LEKR1: variants seen among roughly 807,000 people sequenced by gnomAD.
The protein encoded by LEKR1 is leucine, glutamate and lysine rich 1.
Under a neutral mutation model 72.4 loss-of-function variants are expected in LEKR1, and 59 were observed. The ratio of observed to expected loss-of-function variants is 0.82; its 90% CI spans 0.66 to 1.01. The LOEUF is 1.01. Among genes scored for constraint, LEKR1 ranks in the 50% least tolerant of loss-of-function variants. The pLI is 0.00. For missense variants in LEKR1, 728 were observed against 759.2 expected, an observed-to-expected ratio of 0.96 and a Z score of 0.48; for synonymous variants, 257 against 263.2, an observed-to-expected ratio of 0.98 and a Z score of 0.23.
At chr3:156,845,705 A>G (rs989245953) in intron 2 of LEKR1, among the ~76,000 whole-genome samples, 3 of 152,074 alleles carry the variant, frequency 2.0e-5, no homozygotes, top group Non-Finnish European at 4.4e-5. Context: ...CCTTCTGCCA[A>G]TATCATACAA....
At chr3:156,913,541 C>T (rs1199605351) in intron 3 of LEKR1, among the ~76,000 whole-genome samples, 2 of 152,000 alleles carry the variant, frequency 1.3e-5, no homozygotes, top group African/African-American at 2.4e-5. Context: ...ATTAACTTTC[C>T]CTGAAAGAAT....
At chr3:156,930,864 A>G (rs1725165708) in intron 5 of LEKR1, among the ~76,000 whole-genome samples, 1 of 152,172 alleles carries the variant, frequency 6.6e-6, no homozygotes, top group African/African-American at 2.4e-5. Flanking sequence ...ACCCATGTAG[A>G]AAAATATACC....
intron 3 of LEKR1, among the ~76,000 whole-genome samples, chr3:156,876,011 A>AG (rs1220820653): frequency 3.4e-4 from 52 of 151,160 alleles, no homozygotes; most frequent in African/African-American, 1.2e-3. Context: ...AAAAAAAAAA[A>AG]AAAAAGAAAT....
intron 3 of LEKR1, among the ~76,000 whole-genome samples, chr3:156,870,252 T>C (rs981775869): frequency 3.6e-4 from 55 of 152,216 alleles, no homozygotes; most frequent in African/African-American, 1.3e-3. Flanking sequence ...ACATTGATAT[T>C]TGAAAGGGAC....
intron 10 of LEKR1, among the ~76,000 whole-genome samples, chr3:157,012,351 C>T (rs538511862): frequency 2.6e-4 from 39 of 152,138 alleles, no homozygotes; most frequent in African/African-American, 9.2e-4. Context: ...TGGAGCTGGT[C>T]GCCAAAATTC....
intron 9 of LEKR1, among the ~76,000 whole-genome samples, chr3:156,999,007 T>C (rs1731806540): frequency 6.6e-6 from 1 of 152,130 alleles, no homozygotes. Context: ...ATTCTCGTGA[T>C]AGTGAGTGAG....
At chr3:156,914,228 T>G (rs62275797) in intron 3 of LEKR1, among the ~76,000 whole-genome samples, 4,829 of 152,142 alleles carry the variant, frequency 0.032, 116 homozygotes, top group Non-Finnish European at 0.047. Context: ...GTTTGTTACA[T>G]AAGTATACAC....
chr3:156,895,819 G>T (rs1257348084), intron 3 of LEKR1, among the ~76,000 whole-genome samples: 1 of 152,132 alleles, frequency 6.6e-6, no homozygotes, highest in African/African-American at 2.4e-5. Flanking sequence ...CAAAGTTCTA[G>T]AAGGAGAAAT....
In LEKR1 at chr3:156,995,879, G is replaced by T. The variant is rs138040689; in HGVS notation, c.1109+2602G>T. Among the ~76,000 whole-genome samples, 19 of 152,244 alleles carry T rather than the reference G, an allele frequency of 1.2e-4. No homozygotes were observed. In the East Asian group the frequency reaches 3.7e-3, roughly 29 times the overall value. On this transcript the variant is annotated intron_variant, in intron 9 of 12. Transcript: ENST00000356539. The stretch of plus-strand genomic sequence containing the variant: ...TAAAAATGTCCTTGTAGACCAGTAG[G>T]TTATCATGTGATCACAGGGTTACTC...
intron 12 of LEKR1, among the ~76,000 whole-genome samples, chr3:157,033,649 G>A (rs761458051): frequency 6.6e-6 from 1 of 152,196 alleles, no homozygotes; most frequent in Non-Finnish European, 1.5e-5. Context: ...GATAGCAAGT[G>A]CTCATGTCGA....
intron 3 of LEKR1, among the ~76,000 whole-genome samples, chr3:156,853,574 A>G (rs1715660236): frequency 6.6e-6 from 1 of 152,084 alleles, no homozygotes; most frequent in South Asian, 2.1e-4. Flanking sequence ...TCTTGATTTA[A>G]AGTATTGACA....
chr3:156,938,705 TTTTA>T (rs1395760565), intron 5 of LEKR1, among the ~76,000 whole-genome samples: 2 of 152,240 alleles, frequency 1.3e-5, no homozygotes, highest in Non-Finnish European at 1.5e-5. Context: ...GTGTAGTTTT[TTTTA>T]TTTATTTAGT....
chr3:157,022,057 C>G (rs1413777071), intron 10 of LEKR1, among the ~76,000 whole-genome samples: 1 of 152,056 alleles, frequency 6.6e-6, no homozygotes, highest in Non-Finnish European at 1.5e-5. Context: ...CTGGAGGAAT[C>G]CAGGACTGCC....
intron 10 of LEKR1, among the ~76,000 whole-genome samples, chr3:157,023,873 C>A (rs1228305930): frequency 6.6e-6 from 1 of 152,178 alleles, no homozygotes; most frequent in African/African-American, 2.4e-5. Flanking sequence ...TGCTCTTCAC[C>A]TTTCAGTGGG....
chr3:157,015,718 TGAAAA>T (rs1369730619), intron 10 of LEKR1, among the ~76,000 whole-genome samples: 1 of 151,628 alleles, frequency 6.6e-6, no homozygotes, highest in Non-Finnish European at 1.5e-5. Context: ...GGGCTCAAAA[TGAAAA>T]GAAAAATCAA....
At chr3:156,961,407 T>G (rs746957893) in intron 6 of LEKR1, among the ~76,000 whole-genome samples, 2 of 152,208 alleles carry the variant, frequency 1.3e-5, no homozygotes, top group Non-Finnish European at 2.9e-5. Flanking sequence ...AAAGAAACTT[T>G]GTGGCCATCA....
intron 12 of LEKR1, among the ~76,000 whole-genome samples, chr3:157,029,185 T>C (rs896097511): frequency 3.3e-5 from 5 of 152,210 alleles, no homozygotes; most frequent in Non-Finnish European, 7.3e-5. Flanking sequence ...TATCGATTAT[T>C]AACAATTAAA....
intron 9 of LEKR1, among the ~76,000 whole-genome samples, chr3:156,998,338 CAT>C (rs1282175879): frequency 6.6e-6 from 1 of 152,120 alleles, no homozygotes; most frequent in African/African-American, 2.4e-5. Flanking sequence ...TTTATAAGGA[CAT>C]ATGTGTTTAA....
At chr3:156,856,158 T>G (rs946461094) in intron 3 of LEKR1, among the ~76,000 whole-genome samples, 4 of 152,200 alleles carry the variant, frequency 2.6e-5, no homozygotes, top group Admixed American at 2.6e-4. Context: ...TTGAGGTAGA[T>G]TTCCAATTTC....
Sources: gnomAD v4.1 joint callset for allele counts (sites outside exome capture counted in the v4.1 genomes callset) on GRCh38, gnomAD v4.1.1 for gene constraint, MANE v1.5 for transcripts, NCBI Gene and HGNC (gene_info 2026-07-23, HGNC 2026-07-21) for gene names.